MGRN1: variants seen among roughly 807,000 people sequenced by gnomAD.
MGRN1 encodes mahogunin ring finger 1.
MGRN1 carries 29 observed loss-of-function variants against 69.2 expected under a neutral mutation model. The observed-to-expected ratio is 0.42, with a 90% CI of 0.31 to 0.57. The LOEUF (loss-of-function observed/expected upper bound fraction) is 0.57, where lower values mean the gene tolerates loss of function less well. MGRN1 is among the 20% of genes least tolerant of loss of function. The pLI is 0.15. For missense variants in MGRN1, 998 were observed against 796.2 expected, an observed-to-expected ratio of 1.25 and a Z score of -3.05; for synonymous variants, 470 against 344.2, an observed-to-expected ratio of 1.37 and a Z score of -4.04.
intron 7 of MGRN1, among the ~76,000 whole-genome samples, chr16:4,667,687 C>G (rs556872534): frequency 1.3e-3 from 191 of 152,328 alleles, no homozygotes; most frequent in Non-Finnish European, 1.7e-3. Flanking sequence ...TGCGAGGTCT[C>G]CGATCTCAAG....
intron 16 of MGRN1, among the ~76,000 whole-genome samples, chr16:4,684,865 G>T (rs1165328492): frequency 6.6e-6 from 1 of 152,248 alleles, no homozygotes; most frequent in African/African-American, 2.4e-5. Flanking sequence ...GCGGCTGCCA[G>T]GCTTCACCCG....
intron 5 of MGRN1, among the ~76,000 whole-genome samples, chr16:4,660,751 C>T (rs2078658544): frequency 6.6e-6 from 1 of 150,600 alleles, no homozygotes; most frequent in African/African-American, 2.4e-5. Flanking sequence ...GCCAGGCAAC[C>T]CTGGGACGAT....
intron 13 of MGRN1, 82 bp from the exon 14 acceptor site, chr16:4,682,741 A>G: frequency 1.4e-6 from 2 of 1,406,346 alleles, no homozygotes; most frequent in Non-Finnish European, 1.9e-6. Context: ...AGGGGCCCCC[A>G]GGTGCCCTGC....
chr16:4,685,125 G>A (rs577634515), intron 16 of MGRN1, among the ~76,000 whole-genome samples: 4 of 152,366 alleles, frequency 2.6e-5, no homozygotes, highest in African/African-American at 9.6e-5. Context: ...GTGTGTTTAG[G>A]ACCAGCTTAC....
At chr16:4,663,963 C>G (rs1341716044) in intron 5 of MGRN1, 1 of 152,322 alleles carries the variant, frequency 6.6e-6, no homozygotes, top group Admixed American at 6.5e-5. Flanking sequence ...TTTGCTGGGG[C>G]CAAGTCCGGT....
At chr16:4,670,380 C>G (rs2078912668) in intron 8 of MGRN1, among the ~76,000 whole-genome samples, 2 of 152,326 alleles carry the variant, frequency 1.3e-5, no homozygotes, top group South Asian at 4.1e-4. Flanking sequence ...GTAGCTGGGA[C>G]TACAGGCACG....
intron 3 of MGRN1, among the ~76,000 whole-genome samples, chr16:4,652,402 G>A (rs965738490): frequency 1.3e-5 from 2 of 151,872 alleles, no homozygotes; most frequent in African/African-American, 4.9e-5. Context: ...GATTTCAGCA[G>A]GTTCAGAAAC....
chr16:4,630,072 G>C (rs1103156), intron 1 of MGRN1, among the ~76,000 whole-genome samples: 30,784 of 138,778 alleles, frequency 0.22, 4,022 homozygotes, highest in African/African-American at 0.33. Context: ...AAAAAAAAGC[G>C]CAGGTGCAGT....
At chr16:4,686,117 G>A (rs1179419755) in intron 16 of MGRN1, 3 of 1,006,922 alleles carry the variant, frequency 3.0e-6, no homozygotes, top group Non-Finnish European at 4.3e-6. Context: ...GGTTCTCCTT[G>A]TGGTTCTCTG....
At chr16:4,673,059 C>G (rs181894591) in intron 9 of MGRN1, among the ~76,000 whole-genome samples, 3 of 151,862 alleles carry the variant, frequency 2.0e-5, no homozygotes, top group African/African-American at 7.3e-5. Context: ...AGGATGGTCT[C>G]GATCTCCTGA....
At chr16:4,630,808 C>CTTTTTT (rs58149708) in intron 1 of MGRN1, among the ~76,000 whole-genome samples, 1 of 109,238 alleles carries the variant, frequency 9.2e-6, no homozygotes, top group African/African-American at 3.2e-5. Context: ...AGAGTTAATT[C>CTTTTTT]TTTTTTTTTT....
At chr16:4,650,338 T>A in intron 1 of MGRN1, 27 bp from the exon 2 acceptor site, 3 of 1,462,188 alleles carry the variant, frequency 2.1e-6, no homozygotes, top group Non-Finnish European at 2.8e-6. Flanking sequence ...AAAAAAAATC[T>A]ATAATCGTGT....
rs1044700960 is a variant in MGRN1, at chr16:4,664,870, G to A, written c.628+95G>A. On this transcript the variant is annotated intron_variant, in intron 6 of 16. Coordinates refer to ENST00000262370, the MANE Select transcript of MGRN1 (RefSeq NM_015246.4). Reference sequence around the variant, plus strand: ...AGTGCTTGCAGCAGTGATGAAGCAGGCCAGGCATAGGGCCTTGGGCTTCCC... The same window carrying A: ...AGTGCTTGCAGCAGTGATGAAGCAGACCAGGCATAGGGCCTTGGGCTTCCC... 9 of 1,511,812 alleles carry A rather than the reference G, an allele frequency of 6.0e-6. No individual in the cohort carries two copies. In the African/African-American group the frequency reaches 1.1e-4, roughly 18 times the overall value. 93.6% of individuals were successfully genotyped at this position (1,511,812 alleles called of 1,614,324 possible). A position where few individuals can be genotyped will look rare whatever the true frequency, so the allele number is the denominator to read the frequency against.
intron 4 of MGRN1, among the ~76,000 whole-genome samples, chr16:4,654,787 G>A (rs1360667989): frequency 3.3e-5 from 5 of 152,182 alleles, no homozygotes; most frequent in African/African-American, 9.7e-5. Flanking sequence ...TGGTGGAGAC[G>A]ACTTATGTGG....
chr16:4,635,282 T>C (rs887635506), intron 1 of MGRN1, among the ~76,000 whole-genome samples: 2 of 150,824 alleles, frequency 1.3e-5, no homozygotes, highest in African/African-American at 2.4e-5. Context: ...CCAAGTGTGG[T>C]GGTGCACACC....
chr16:4,648,811 C>T (rs2078336962), intron 1 of MGRN1, among the ~76,000 whole-genome samples: 1 of 129,168 alleles, frequency 7.7e-6, no homozygotes, highest in East Asian at 2.3e-4. Context: ...TCCCGGGGCT[C>T]TTCCCGTGGT....
chr16:4,624,844 C>G lies in MGRN1; in HGVS notation c.-117C>G, dbSNP rs765928461. On this transcript the variant is annotated 5_prime_UTR_variant, in exon 1 of 17. Coordinates refer to ENST00000262370, the MANE Select transcript of MGRN1 (RefSeq NM_015246.4). ...CGGGGGTGGGGGCTCGAGGCGCCTCCGCGGCCGTGGACGAGCGTCCGTGCG... is the reference window on the plus strand; with the variant it reads ...CGGGGGTGGGGGCTCGAGGCGCCTCGGCGGCCGTGGACGAGCGTCCGTGCG... 9 of 828,708 alleles carry G rather than the reference C, an allele frequency of 1.1e-5. No individual in the cohort carries two copies. The highest frequency in any genetic ancestry group is 3.6e-5 in the African/African-American group (2 of 55,814). The allele number at this position is 828,708 out of a possible 1,614,324, so 51.3% of individuals were successfully genotyped here. A position where few individuals can be genotyped will look rare whatever the true frequency, so the allele number is the denominator to read the frequency against.
chr16:4,629,923 G>C (rs571315553), intron 1 of MGRN1, among the ~76,000 whole-genome samples: 1 of 151,496 alleles, frequency 6.6e-6, no homozygotes, highest in Middle Eastern at 3.2e-3. Flanking sequence ...GCGCACGCCC[G>C]TAATCCCAGC....
At chr16:4,641,880 G>T (rs1165796082) in intron 1 of MGRN1, among the ~76,000 whole-genome samples, 1 of 151,836 alleles carries the variant, frequency 6.6e-6, no homozygotes, top group Non-Finnish European at 1.5e-5. Context: ...TCTGAAATTC[G>T]TGGCTTCAAG....
Sources: gnomAD v4.1 joint callset for allele counts (sites outside exome capture counted in the v4.1 genomes callset) on GRCh38, gnomAD v4.1.1 for gene constraint, MANE v1.5 for transcripts, NCBI Gene and HGNC (gene_info 2026-07-23, HGNC 2026-07-21) for gene names.